STPG2: variants seen among roughly 807,000 people sequenced by gnomAD.
STPG2 encodes sperm tail PG-rich repeat containing 2, also known as sperm-tail PG-rich repeat-containing protein 2.
Under a neutral mutation model 54.2 loss-of-function variants are expected in STPG2, and 56 were observed. The observed-to-expected ratio is 1.03, with a 90% CI of 0.83 to 1.29. The LOEUF (loss-of-function observed/expected upper bound fraction) is 1.29. Among genes scored for constraint, STPG2 ranks in the 50% most tolerant of loss-of-function variants. The pLI, the probability that STPG2 is intolerant of heterozygous loss-of-function variation, is 0.00. For missense variants in STPG2, 596 were observed against 544.9 expected, an observed-to-expected ratio of 1.09 and a Z score of -0.93; for synonymous variants, 200 against 181.8, an observed-to-expected ratio of 1.10 and a Z score of -0.81.
At chr4:97,780,102 G>A (rs1726552364) in intron 9 of STPG2, among the ~76,000 whole-genome samples, 1 of 129,388 alleles carries the variant, frequency 7.7e-6, no homozygotes, top group Non-Finnish European at 1.7e-5. Flanking sequence ...AATGTAAATG[G>A]GCTAAATGCT....
intron 7 of STPG2, among the ~76,000 whole-genome samples, chr4:97,967,482 T>A (rs2149253194): frequency 6.6e-6 from 1 of 152,238 alleles, no homozygotes; most frequent in Admixed American, 6.5e-5. Flanking sequence ...ATCCAGGACT[T>A]GAACTCAGCT....
At chr4:97,863,692 A>G (rs146028103) in intron 8 of STPG2, among the ~76,000 whole-genome samples, 4,606 of 152,284 alleles carry the variant, frequency 0.03, 108 homozygotes, top group Non-Finnish European at 0.047. Flanking sequence ...TGACACAAAA[A>G]TCCTCAATAA....
chr4:97,618,564 T>C (rs531770161), intron 10 of STPG2, among the ~76,000 whole-genome samples: 1 of 152,280 alleles, frequency 6.6e-6, no homozygotes, highest in East Asian at 1.9e-4. Flanking sequence ...CTTGAATAAA[T>C]GAGTACTTTT....
In STPG2 at chr4:97,607,847, G is replaced by T. The variant is rs1179513858; in HGVS notation, c.1321-48730C>A. Among the ~76,000 whole-genome samples, 4 of 152,106 alleles carry T rather than the reference G, an allele frequency of 2.6e-5. No individual in the cohort carries two copies. In the South Asian group the frequency reaches 8.3e-4, roughly 32 times the overall value. On this transcript the variant is annotated intron_variant, in intron 10 of 10. Transcript: ENST00000295268. ...TGCAGAGGAGAATAAATAGGTATCT[G>T]CCTGGGTCATGAAAATAGAGGTTTA...
At chr4:97,467,175 T>C (rs1729807495) in intron 4 of STPG2, among the ~76,000 whole-genome samples, 4 of 151,964 alleles carry the variant, frequency 2.6e-5, no homozygotes, top group Admixed American at 6.6e-5. Context: ...ACTTTGACTT[T>C]ATTACAATCA....
At chr4:97,750,112 G>A (rs1725538849) in intron 9 of STPG2, among the ~76,000 whole-genome samples, 1 of 151,810 alleles carries the variant, frequency 6.6e-6, no homozygotes, top group South Asian at 2.1e-4. Context: ...TTTAAATCCA[G>A]GCCAAAATAG....
chr4:97,893,150 G>C (rs1730834293), intron 8 of STPG2: 1 of 152,008 alleles, frequency 6.6e-6, no homozygotes, highest in Non-Finnish European at 1.5e-5. Flanking sequence ...CTCATAGCAG[G>C]GGTACTGCAT....
chr4:97,543,128 A>AAT (rs1041982175), intron 4 of STPG2, among the ~76,000 whole-genome samples: 2 of 151,204 alleles, frequency 1.3e-5, no homozygotes, highest in African/African-American at 4.8e-5. Context: ...TGTAATAAAA[A>AAT]ATATATATAT....
intron 10 of STPG2, among the ~76,000 whole-genome samples, chr4:97,687,086 G>A (rs1220127935): frequency 6.6e-6 from 1 of 151,516 alleles, no homozygotes; most frequent in East Asian, 1.9e-4. Flanking sequence ...GACTACAGGC[G>A]CTGGCCACCA....
At chr4:98,055,951 C>A (rs1737467554) in intron 5 of STPG2, among the ~76,000 whole-genome samples, 1 of 152,140 alleles carries the variant, frequency 6.6e-6, no homozygotes, top group African/African-American at 2.4e-5. Context: ...AGAGAGGCAG[C>A]CCTTACAGCC....
rs545514146 is a variant in STPG2 at position 97,451,580 on chromosome 4, G to C, written c.462+261119C>G. On this transcript the variant is annotated intron_variant, in intron 4 of 4. Coordinates refer to the STPG2 transcript ENST00000522676. ...CAGGGATCACCTTGTACTTGAGAAA[G>C]AGAGATAAATAACATAGTGAAATGT... 3.3e-5 allele frequency among the ~76,000 whole-genome samples: 5 copies of C among 152,234 alleles called. No individual in the cohort carries two copies. The East Asian group carries it at 9.7e-4, about 29-fold the overall frequency.
intron 5 of STPG2, among the ~76,000 whole-genome samples, chr4:98,065,146 G>C (rs748553899): frequency 6.6e-5 from 10 of 151,870 alleles, no homozygotes; most frequent in South Asian, 2.1e-4. Context: ...AAAACTAAAG[G>C]CATTCCCATA....
chr4:97,923,944 G>C (rs1214075062), intron 8 of STPG2, among the ~76,000 whole-genome samples: 1 of 152,164 alleles, frequency 6.6e-6, no homozygotes, highest in African/African-American at 2.4e-5. Context: ...ATGTGGGTGG[G>C]GCCAGATAAG....
chr4:97,601,567 T>C (rs1245186717), intron 10 of STPG2, among the ~76,000 whole-genome samples: 1 of 151,924 alleles, frequency 6.6e-6, no homozygotes, highest in Non-Finnish European at 1.5e-5. Flanking sequence ...GTGGGACTTA[T>C]ATTTAAGTCT....
At chr4:98,049,297 T>C (rs1336534826) in intron 5 of STPG2, among the ~76,000 whole-genome samples, 1 of 152,178 alleles carries the variant, frequency 6.6e-6, no homozygotes, top group East Asian at 1.9e-4. Context: ...GTTTACTACC[T>C]ATAAAACTTT....
chr4:97,628,312 T>C (rs543317142), intron 10 of STPG2, among the ~76,000 whole-genome samples: 1 of 152,232 alleles, frequency 6.6e-6, no homozygotes, highest in East Asian at 1.9e-4. Flanking sequence ...ATAAATTGAT[T>C]GCATGAGTCT....
At chr4:97,772,025 C>G (rs755973113) in intron 9 of STPG2, among the ~76,000 whole-genome samples, 2 of 152,184 alleles carry the variant, frequency 1.3e-5, no homozygotes, top group African/African-American at 4.8e-5. Context: ...ATGCAGCAGC[C>G]AGAAACTGGA....
intron 9 of STPG2, among the ~76,000 whole-genome samples, chr4:97,838,624 A>G (rs1003209131): frequency 6.6e-6 from 1 of 151,510 alleles, no homozygotes; most frequent in African/African-American, 2.4e-5. Flanking sequence ...TCAATGTAAC[A>G]GAGTCTAGAC....
chr4:97,768,038 G>A (rs1328552813), intron 9 of STPG2, among the ~76,000 whole-genome samples: 62 of 152,130 alleles, frequency 4.1e-4, no homozygotes, highest in Middle Eastern at 3.4e-3. Context: ...GTGGTGGCGG[G>A]CGTCTGTAGT....
Sources: allele counts gnomAD v4.1 joint callset (sites outside exome capture counted in the v4.1 genomes callset), GRCh38; gene constraint gnomAD v4.1.1; transcripts MANE v1.5; gene names NCBI Gene and HGNC (gene_info 2026-07-23, HGNC 2026-07-21).